The following LGSN variants were observed in gnomAD, a reference collection of about 807,000 sequenced individuals.
LGSN encodes lengsin, lens protein with glutamine synthetase domain, also known as lengsin.
LGSN carries 21 observed loss-of-function variants against 19.5 expected under a neutral mutation model. That is an observed-to-expected ratio of 1.07 (90% CI 0.76 to 1.55). The LOEUF (loss-of-function observed/expected upper bound fraction) is 1.55, where lower values mean the gene tolerates loss of function less well. LGSN is among the 40% of genes most tolerant of loss of function. LGSN has a pLI of 0.00. For missense variants in LGSN, 673 were observed against 608.5 expected (o/e 1.11, Z -1.12); for synonymous variants, 257 against 215.6 (o/e 1.19, Z -1.68).
the LGSN span, among the ~76,000 whole-genome samples, chr6:63,495,469 T>TTTTTTTTTTTTTTTTTTTTTTGG: frequency 8.4e-6 from 1 of 119,306 alleles, no homozygotes; most frequent in African/African-American, 3.4e-5. Context: ...TTTTTTTTTT[T>TTTTTTTTTTTTTTTTTTTTTTGG]TTTTTTTGAG....
the LGSN span, among the ~76,000 whole-genome samples, chr6:63,475,465 T>A: frequency 6.6e-5 from 10 of 152,210 alleles, no homozygotes; most frequent in African/African-American, 2.4e-4. Flanking sequence ...GATATGTGTG[T>A]ACTTTGAGAT....
chr6:63,473,666 T>TA, the LGSN span, among the ~76,000 whole-genome samples: 1 of 151,274 alleles, frequency 6.6e-6, no homozygotes, highest in African/African-American at 2.4e-5. Flanking sequence ...AACAGATGAA[T>TA]AATCCTTGGC....
chr6:63,342,593 T>C, the LGSN span, among the ~76,000 whole-genome samples: 2 of 152,226 alleles, frequency 1.3e-5, no homozygotes, highest in African/African-American at 4.8e-5. Context: ...TGAACGTCAG[T>C]GTCCAAGAAC....
At chr6:63,285,971 T>C (rs1227116837) in intron 2 of LGSN, among the ~76,000 whole-genome samples, 2 of 152,202 alleles carry the variant, frequency 1.3e-5, no homozygotes. Context: ...ATTTATCAGT[T>C]AGGACGAGGT....
chr6:63,501,544 G>T, the LGSN span, among the ~76,000 whole-genome samples: 1 of 151,874 alleles, frequency 6.6e-6, no homozygotes, highest in South Asian at 2.1e-4. Context: ...ATGAACTTAC[G>T]GAGTCATTAG....
the LGSN span, among the ~76,000 whole-genome samples, chr6:63,400,756 G>A: frequency 9.2e-5 from 14 of 152,342 alleles, no homozygotes; most frequent in Non-Finnish European, 2.1e-4. Context: ...TACTTTGGGA[G>A]ACTGAAGCGG....
At chr6:63,339,498 G>A in the LGSN span, among the ~76,000 whole-genome samples, 449 of 152,174 alleles carry the variant, frequency 3.0e-3, 3 homozygotes, top group African/African-American at 0.01. Flanking sequence ...AGCTACTCCT[G>A]CATGCTTTGT....
the LGSN span, among the ~76,000 whole-genome samples, chr6:63,383,307 A>G: frequency 6.6e-6 from 1 of 151,622 alleles, no homozygotes; most frequent in Admixed American, 6.6e-5. Flanking sequence ...ACAGAAGGGA[A>G]GTCAACCAAC....
At chr6:63,328,012 C>T in the LGSN span, among the ~76,000 whole-genome samples, 105 of 152,278 alleles carry the variant, frequency 6.9e-4, no homozygotes, top group African/African-American at 2.1e-3. Context: ...CTTTCCATAT[C>T]GCAGCATGGG....
chr6:63,348,996 C>T, the LGSN span, among the ~76,000 whole-genome samples: 2 of 151,954 alleles, frequency 1.3e-5, no homozygotes, highest in Non-Finnish European at 2.9e-5. Context: ...TTCAAGCAAT[C>T]GAGAATTGTT....
At position 63,281,131 on chromosome 6, in the gene LGSN, G is replaced by A; in HGVS notation, c.420C>T (p.Ala140=). The A allele has an allele frequency of 6.2e-7, 1 of 1,613,466 alleles. No individual in the cohort carries two copies. Among genetic ancestry groups the A allele is most frequent in the Non-Finnish European group, 8.5e-7 (1 of 1,179,902 alleles). ...GGACTATGTCGCTATTAAAACATGTGGCTCTTATGTTATTCATTTCATTGT... is the reference window on the plus strand; with the variant it reads ...GGACTATGTCGCTATTAAAACATGTAGCTCTTATGTTATTCATTTCATTGT... ...PKDNEMNNIR[A]TCFNSDIVLM... is the part of the protein sequence containing the mutation. Residue 140 remains alanine, a synonymous_variant, in exon 4 of 4, where the codon GCC becomes GCT. Transcript: ENST00000370657.
chr6:63,438,015 T>C, the LGSN span, among the ~76,000 whole-genome samples: 1 of 152,208 alleles, frequency 6.6e-6, no homozygotes, highest in Non-Finnish European at 1.5e-5. Flanking sequence ...CACACTGCCA[T>C]GAAAATTACT....
In LGSN at chr6:63,280,520, C is replaced by T. The variant is rs755041573; in HGVS notation, c.1031G>A (p.Trp344Ter). 7 of 1,614,086 alleles carry T rather than the reference C, an allele frequency of 4.3e-6. No homozygotes were observed. Among genetic ancestry groups the T allele is most frequent in the Non-Finnish European group, 5.9e-6 (7 of 1,180,032 alleles). ...AGAGTGCTTCAAGAGTCCTGCCAAC[C>T]ATTTTTTCCCAGTGATCGTGAGCTG... ...TEQLTITGKKWLAGLLKHSAA... is the reference protein window; with the variant it reads ...TEQLTITGKK The change falls in exon 4 of 4, where the codon TGG (tryptophan) becomes TAG (stop). Residue 344 changes from tryptophan to a stop codon, truncating the protein, a stop_gained. Transcript: ENST00000370657. LOFTEE classifies it low-confidence loss of function (END_TRUNC).
At chr6:63,476,012 C>T in the LGSN span, among the ~76,000 whole-genome samples, 45 of 152,024 alleles carry the variant, frequency 3.0e-4, no homozygotes, top group Admixed American at 2.8e-3. Context: ...AGATCAAGAG[C>T]CGAGTGGAGA....
the LGSN span, among the ~76,000 whole-genome samples, chr6:63,543,803 C>A: frequency 6.6e-6 from 1 of 152,306 alleles, no homozygotes; most frequent in South Asian, 2.1e-4. Context: ...TTTCTAGCAA[C>A]TTTCTACCCA....
chr6:63,392,245 C>A, the LGSN span: 2,409 of 152,540 alleles, frequency 0.016, 74 homozygotes, highest in African/African-American at 0.054. Context: ...GCCAACCAGA[C>A]ACCCAGCCCA....
the LGSN span, among the ~76,000 whole-genome samples, chr6:63,409,065 C>G: frequency 6.6e-6 from 1 of 152,116 alleles, no homozygotes. Context: ...TGCACACCAT[C>G]ACGCCCAGCT....
chr6:63,434,209 T>C, the LGSN span, among the ~76,000 whole-genome samples: 73,653 of 151,398 alleles, frequency 0.49, 18,643 homozygotes, highest in Middle Eastern at 0.56. Flanking sequence ...GAGGCTGATG[T>C]GGGCAGATGA....
chr6:63,434,628 A>C, the LGSN span, among the ~76,000 whole-genome samples: 1 of 151,036 alleles, frequency 6.6e-6, no homozygotes, highest in African/African-American at 2.4e-5. Flanking sequence ...AAAAAAAGAA[A>C]GAAAGAAAGA....
Sources: allele counts gnomAD v4.1 joint callset (sites outside exome capture counted in the v4.1 genomes callset), GRCh38; gene constraint gnomAD v4.1.1; transcripts MANE v1.5; gene names NCBI Gene and HGNC (gene_info 2026-07-23, HGNC 2026-07-21).